The following MED13L variants were observed in gnomAD, a reference collection of about 807,000 sequenced individuals.
The protein encoded by MED13L is mediator of RNA polymerase II transcription subunit 13-like.
MED13L carries 7 observed loss-of-function variants against 220.9 expected under a neutral mutation model. That is an observed-to-expected ratio of 0.03 (90% confidence interval 0.02 to 0.06). The LOEUF is 0.06. MED13L is among the 10% of genes least tolerant of loss of function. MED13L has a pLI of 1.00. For synonymous variants in MED13L, 1,011 were observed against 1,015.2 expected (o/e 1.00, Z 0.08); for missense variants, 1,965 against 2,760.5 (o/e 0.71, Z 6.46).
At chr12:115,963,169 A>ACAGGAAG (rs1301379233) in intron 30 of MED13L, among the ~76,000 whole-genome samples, 1 of 152,212 alleles carries the variant, frequency 6.6e-6, no homozygotes, top group Admixed American at 6.5e-5. Flanking sequence ...CCTGCTCTGA[A>ACAGGAAG]CAGGAAGCAA....
chr12:115,983,723 G>C (rs112026288), intron 20 of MED13L, among the ~76,000 whole-genome samples, 183 bp from the exon 21 acceptor site: 1 of 152,164 alleles, frequency 6.6e-6, no homozygotes, highest in Non-Finnish European at 1.5e-5. Flanking sequence ...GATGCACATG[G>C]AGCAACTTAT....
At chr12:116,132,286 A>T (rs1375252204) in intron 2 of MED13L, among the ~76,000 whole-genome samples, 1 of 151,004 alleles carries the variant, frequency 6.6e-6, no homozygotes, top group Non-Finnish European at 1.5e-5. Context: ...TCTCAAAAAA[A>T]AAAAAAAAAA....
At chr12:115,967,196 A>AAAAC (rs1876238549) in intron 28 of MED13L, among the ~76,000 whole-genome samples, 6 of 150,236 alleles carry the variant, frequency 4.0e-5, no homozygotes, top group Non-Finnish European at 7.4e-5. Flanking sequence ...AAAAAAAAAA[A>AAAAC]CCTTCTGTTT....
chr12:116,015,666 A>T (rs1393874218), intron 7 of MED13L, among the ~76,000 whole-genome samples: 1 of 152,228 alleles, frequency 6.6e-6, no homozygotes, highest in Non-Finnish European at 1.5e-5. Flanking sequence ...ATCTTAACAC[A>T]GTCAATGAGT....
intron 14 of MED13L, among the ~76,000 whole-genome samples, chr12:116,001,951 C>T (rs764000054): frequency 6.6e-6 from 1 of 152,162 alleles, no homozygotes; most frequent in Non-Finnish European, 1.5e-5. Context: ...CACATCACTA[C>T]GCATCACGTC....
rs773472325 is a variant in MED13L at position 116,237,652 on chromosome 12, G to A, written c.126C>T (p.Asp42=). 1 of 1,614,132 alleles carries A rather than the reference G, an allele frequency of 6.2e-7. No homozygotes were observed. The highest frequency in any genetic ancestry group is 8.5e-7 in the Non-Finnish European group (1 of 1,180,024). The change falls in exon 2 of 31, where the codon GAC becomes GAT. Residue 42 remains aspartate, a synonymous_variant. Coordinates refer to ENST00000281928, the MANE Select transcript of MED13L (RefSeq NM_015335.5). Reference sequence around the variant, plus strand: ...CTGGGGCTGAAATTATGGGTCCACAGTCCCCATGCCCTCCAAAATTGTACC... The same window carrying A: ...CTGGGGCTGAAATTATGGGTCCACAATCCCCATGCCCTCCAAAATTGTACC... ...WRRYNFGGHG[D]CGPIISAPAQ... is the part of the protein sequence containing the mutation.
At chr12:116,087,345 C>G (rs1296872935) in intron 4 of MED13L, among the ~76,000 whole-genome samples, 1 of 151,916 alleles carries the variant, frequency 6.6e-6, no homozygotes, top group Admixed American at 6.6e-5. Context: ...AAATTGTTTC[C>G]TTAAACTAAT....
At chr12:116,254,902 C>T (rs564892722) in intron 1 of MED13L, among the ~76,000 whole-genome samples, 3 of 152,164 alleles carry the variant, frequency 2.0e-5, no homozygotes, top group African/African-American at 7.2e-5. Flanking sequence ...AATTAAATAT[C>T]TAGAGAAATG....
intron 2 of MED13L, among the ~76,000 whole-genome samples, chr12:116,135,654 AAG>A (rs1435147810): frequency 6.6e-6 from 1 of 152,186 alleles, no homozygotes; most frequent in Admixed American, 6.5e-5. Flanking sequence ...TAATATAAGG[AAG>A]TAGTATTTGT....
intron 24 of MED13L, 38 bp downstream of exon 24, chr12:115,975,477 A>C (rs2137243059): frequency 1.2e-6 from 2 of 1,602,304 alleles, no homozygotes; most frequent in African/African-American, 1.3e-5. Flanking sequence ...ACGGTACAGC[A>C]TTAATTTACA....
chr12:116,224,151 T>C (rs1162150464), intron 2 of MED13L, among the ~76,000 whole-genome samples: 2 of 152,160 alleles, frequency 1.3e-5, no homozygotes, highest in African/African-American at 4.8e-5. Context: ...CTAAGTCCTA[T>C]TCAAAAACCC....
intron 2 of MED13L, among the ~76,000 whole-genome samples, chr12:116,114,044 T>C (rs1874317862): frequency 6.6e-6 from 1 of 152,150 alleles, no homozygotes; most frequent in African/African-American, 2.4e-5. Context: ...CATCAAATCA[T>C]ATTCTCAGCA....
intron 3 of MED13L, among the ~76,000 whole-genome samples, chr12:116,098,633 C>A (rs1872814296): frequency 6.6e-6 from 1 of 152,022 alleles, no homozygotes; most frequent in South Asian, 2.1e-4. Context: ...GCAGTCAATT[C>A]GGAGAACCAA....
chr12:116,136,180 C>T (rs1055717323), intron 2 of MED13L, among the ~76,000 whole-genome samples: 2 of 152,102 alleles, frequency 1.3e-5, no homozygotes, highest in South Asian at 2.1e-4. Flanking sequence ...GGATTACAGG[C>T]GTGAGCCACT....
In MED13L at chr12:116,007,582, C is replaced by G. The variant is rs777812684; in HGVS notation, c.2067G>C (p.Gln689His). The change falls in exon 11 of 31, where the codon CAG becomes CAC. Residue 689 changes from glutamine (Q) to histidine (H), a missense_variant. This residue lies in a region of MED13L where 818 missense variants were observed against 1,041.2 expected (regional missense o/e 0.79). Coordinates refer to ENST00000281928, the MANE Select transcript of MED13L (RefSeq NM_015335.5). Reference protein sequence around the residue: ...RFKIWQDKQPQLQPLHFLDPL... With the variant: ...RFKIWQDKQPHLQPLHFLDPL... The stretch of plus-strand genomic sequence containing the variant: ...GGTCAAGGAAGTGGAGTGGCTGCAA[C>G]TGGGGCTGTTTGTCTTGCCAGATTT... 2 of 1,596,014 alleles carry G rather than the reference C, an allele frequency of 1.3e-6. No individual in the cohort carries two copies. Among genetic ancestry groups the G allele is most frequent in the African/African-American group, 2.8e-5 (2 of 71,344 alleles).
Position 116,003,090 on chromosome 12 carries a change from C to A in MED13L, c.2482G>T (p.Ala828Ser). The A allele has an allele frequency of 6.2e-7, 1 of 1,613,980 alleles. No homozygotes were observed. Among genetic ancestry groups the A allele is most frequent in the Non-Finnish European group, 8.5e-7 (1 of 1,179,842 alleles). The change falls in exon 14 of 31, where the codon GCT (alanine) becomes TCT (serine). Residue 828 changes from alanine (A) to serine (S), a missense_variant. By Grantham distance (99) the Ala-to-Ser change is moderately conservative. Coordinates refer to ENST00000281928, the MANE Select transcript of MED13L (RefSeq NM_015335.5). ...GCAGGCATTTTTGATGAGCGCAGAG[C>A]AGGTGATACAGCCTAAGAACAGACG... ...DDDELGAVSPALRSSKMPAVG... is the reference protein window; with the variant it reads ...DDDELGAVSPSLRSSKMPAVG...
In MED13L at chr12:116,183,246, T is replaced by C. The variant is rs569981461; in HGVS notation, c.310+54222A>G. On this transcript the variant is annotated intron_variant, in intron 2 of 30. Transcript: ENST00000281928. ...GGTTAAAGCTACTCTGCAGATTGTA[T>C]GTGTGCCAAAACTTGAGTTTTACAC... Among the ~76,000 whole-genome samples the C allele has an allele frequency of 7.5e-4, 115 of 152,330 alleles. 1 individual carries two copies. Among genetic ancestry groups the C allele is most frequent in the African/African-American group, 2.6e-3 (108 of 41,566 alleles).
chr12:116,187,915 G>A (rs1287330333), intron 2 of MED13L, among the ~76,000 whole-genome samples: 1 of 149,870 alleles, frequency 6.7e-6, no homozygotes, highest in Non-Finnish European at 1.5e-5. Context: ...CCTGTCAACA[G>A]AAATCAGTGA....
chr12:116,268,458 C>T (rs554030762), intron 1 of MED13L, among the ~76,000 whole-genome samples: 2 of 152,084 alleles, frequency 1.3e-5, no homozygotes, highest in East Asian at 3.9e-4. Context: ...TTTAATCATC[C>T]TTCTTAATAA....
Sources: allele counts gnomAD v4.1 joint callset (sites outside exome capture counted in the v4.1 genomes callset), GRCh38; gene constraint gnomAD v4.1.1; regional missense constraint gnomAD v4.1.1; transcripts MANE v1.5; gene names NCBI Gene and HGNC (gene_info 2026-07-23, HGNC 2026-07-21).